Variants in HMCN1 observed in about 807,000 individuals in gnomAD.
The protein encoded by HMCN1 is hemicentin-1.
A neutral mutation model predicts 625.9 loss-of-function variants in HMCN1; 321 were observed. That is an observed-to-expected ratio of 0.51 (90% CI 0.47 to 0.56). The LOEUF is 0.56. HMCN1 is among the 20% of genes least tolerant of loss of function. The pLI is 0.00. For missense variants in HMCN1, 6,588 were observed against 6,887.3 expected (o/e 0.96, Z 1.54); for synonymous variants, 2,425 against 2,417.6 (o/e 1.00, Z -0.09).
At chr1:185,993,071 A>G in intron 22 of HMCN1, 111 bp from the exon 23 acceptor site, 1 of 1,012,950 alleles carries the variant, frequency 9.9e-7, no homozygotes, top group Middle Eastern at 2.9e-4. Flanking sequence ...AGATGGGAAA[A>G]TGGTTTAAAA....
At chr1:185,939,419 C>T (rs544635183) in intron 11 of HMCN1, among the ~76,000 whole-genome samples, 1 of 152,302 alleles carries the variant, frequency 6.6e-6, no homozygotes, top group South Asian at 2.1e-4. Context: ...TGGAAGCAAA[C>T]ACTGCTATGC....
intron 1 of HMCN1, among the ~76,000 whole-genome samples, chr1:185,762,076 G>A (rs1206105711): frequency 6.6e-6 from 1 of 152,104 alleles, no homozygotes; most frequent in Non-Finnish European, 1.5e-5. Context: ...GATACTTTGT[G>A]CAATTTGCAC....
chr1:185,971,729 T>C (rs2101973380), intron 15 of HMCN1, among the ~76,000 whole-genome samples: 1 of 152,330 alleles, frequency 6.6e-6, no homozygotes, highest in African/African-American at 2.4e-5. Flanking sequence ...TCATGTAAGC[T>C]AAATTTTTGC....
At chr1:185,759,495 CA>C (rs1327314442) in intron 1 of HMCN1, among the ~76,000 whole-genome samples, 2 of 152,142 alleles carry the variant, frequency 1.3e-5, no homozygotes, top group Non-Finnish European at 2.9e-5. Context: ...TGATTTTGAG[CA>C]GCTATCCTTC....
chr1:185,856,812 TAGA>T (rs1467117963), intron 2 of HMCN1, among the ~76,000 whole-genome samples: 1 of 152,184 alleles, frequency 6.6e-6, no homozygotes, highest in East Asian at 1.9e-4. Flanking sequence ...AAGACGAGAA[TAGA>T]AGAATTGAAA....
rs1650140925 is a variant in HMCN1, at chr1:186,144,209, C to T, written c.13961C>T (p.Thr4654Ile). 2 of 1,610,484 alleles carry T rather than the reference C, an allele frequency of 1.2e-6. No homozygotes were observed. Among genetic ancestry groups the T allele is most frequent in the African/African-American group, 1.3e-5 (1 of 74,928 alleles). ...TGGAGCGCTTGGCAGCCTTGGGGAA[C>T]ATGCAGCGAAAGTTGTGGGAAAGGT... is the stretch of plus-strand genomic sequence containing the variant. ...GAWSAWQPWG[T>I]CSESCGKGTQ... Residue 4654 changes from threonine (T) to isoleucine (I), a missense_variant, in exon 90 of 107, where the codon ACA (threonine) becomes ATA (isoleucine). By Grantham distance (89) the Thr-to-Ile change is moderately conservative (BLOSUM62 -1). Coordinates refer to ENST00000271588, the MANE Select transcript of HMCN1 (RefSeq NM_031935.3).
intron 1 of HMCN1, among the ~76,000 whole-genome samples, chr1:185,780,292 A>G (rs1656972798): frequency 6.6e-6 from 1 of 152,222 alleles, no homozygotes; most frequent in Non-Finnish European, 1.5e-5. Context: ...GTCATCTGCA[A>G]ACAGGGACAA....
intron 15 of HMCN1, among the ~76,000 whole-genome samples, chr1:185,972,203 C>T (rs1650882364): frequency 6.6e-6 from 1 of 152,142 alleles, no homozygotes; most frequent in Non-Finnish European, 1.5e-5. Context: ...GAAACAGTCT[C>T]AGTAATTTTT....
chr1:186,016,824 G>C lies in HMCN1; in HGVS notation c.5192-139G>C, dbSNP rs970177138. 5 of 687,266 alleles carry C rather than the reference G, an allele frequency of 7.3e-6. No homozygotes were observed. In the East Asian group the frequency reaches 1.3e-4, roughly 18 times the overall value. 42.6% of individuals were successfully genotyped at this position (687,266 alleles called of 1,614,324 possible). A position where few individuals can be genotyped will look rare whatever the true frequency, so the allele number is the denominator to read the frequency against. The stretch of plus-strand genomic sequence containing the variant: ...CTTTATTGTAAAATGTATTTACAAT[G>C]CATTTCAAGTCCCCTTCATGTATCA... On this transcript the variant is annotated intron_variant, in intron 32 of 106. Coordinates refer to ENST00000271588, the MANE Select transcript of HMCN1 (RefSeq NM_031935.3).
intron 1 of HMCN1, among the ~76,000 whole-genome samples, chr1:185,780,780 G>A (rs564586994): frequency 6.6e-6 from 1 of 152,202 alleles, no homozygotes; most frequent in East Asian, 1.9e-4. Context: ...TTGCATCGAT[G>A]TTGATCAAGG....
intron 81 of HMCN1, among the ~76,000 whole-genome samples, chr1:186,123,450 C>T (rs1374218190): frequency 6.6e-6 from 1 of 152,126 alleles, no homozygotes. Flanking sequence ...ATTAATATTG[C>T]CAGGATTTTT....
intron 87 of HMCN1, 152 bp from the exon 88 acceptor site, chr1:186,137,346 T>C (rs775145235): frequency 5.3e-6 from 5 of 943,852 alleles, no homozygotes; most frequent in South Asian, 1.6e-5. Flanking sequence ...CTCTCTCTCT[T>C]GGATTTTAAT....
chr1:185,941,427 T>G (rs1227056626), intron 11 of HMCN1, among the ~76,000 whole-genome samples: 1 of 152,212 alleles, frequency 6.6e-6, no homozygotes, highest in African/African-American at 2.4e-5. Context: ...CTTAAAATGT[T>G]AAGTTAGAAC....
chr1:186,015,581 A>T, intron 31 of HMCN1, 144 bp downstream of exon 31: 1 of 847,766 alleles, frequency 1.2e-6, no homozygotes, highest in Non-Finnish European at 1.9e-6. Flanking sequence ...TTGTTCCATG[A>T]TTTGGAAAAA....
chr1:185,790,617 A>G (rs542887062), intron 1 of HMCN1, among the ~76,000 whole-genome samples: 182 of 152,330 alleles, frequency 1.2e-3, no homozygotes, highest in Non-Finnish European at 1.7e-3. Flanking sequence ...GTGTTTTTCA[A>G]TGGGGCCTTG....
At chr1:185,959,463 A>G (rs1325365446) in intron 11 of HMCN1, among the ~76,000 whole-genome samples, 1 of 152,086 alleles carries the variant, frequency 6.6e-6, no homozygotes, top group Non-Finnish European at 1.5e-5. Context: ...TTTATTTTAT[A>G]TTTATATTTA....
At chr1:186,027,334 C>G (rs1430835321) in intron 36 of HMCN1, among the ~76,000 whole-genome samples, 2 of 152,094 alleles carry the variant, frequency 1.3e-5, no homozygotes, top group East Asian at 3.9e-4. Context: ...ACATCTAAAC[C>G]TCAGATATTT....
At position 186,165,119 on chromosome 1, in the gene HMCN1, A is replaced by C. The variant is rs749090856; in HGVS notation, c.15265A>C (p.Ser5089Arg). ...TTTCCTCTCTGTGGTAGGAGATCGCAGTAATCAGTGCCCCTCCGGGTTTAC... is the reference window on the plus strand; with the variant it reads ...TTTCCTCTCTGTGGTAGGAGATCGCCGTAATCAGTGCCCCTCCGGGTTTAC... ...IHASISKGDR[S>R]NQCPSGFTLD... Residue 5089 changes from serine to arginine, a missense_variant, in exon 98 of 107, where the codon AGT becomes CGT. Physicochemically the swap from Ser to Arg is moderately radical, Grantham distance 110. Transcript: ENST00000271588. 6.2e-7 allele frequency: 1 copy of C among 1,614,104 alleles called. No individual in the cohort carries two copies. The highest frequency in any genetic ancestry group is 1.1e-5 in the South Asian group (1 of 91,044).
intron 1 of HMCN1, among the ~76,000 whole-genome samples, chr1:185,794,864 TA>T (rs962047948): frequency 2.0e-5 from 3 of 151,926 alleles, no homozygotes; most frequent in African/African-American, 7.3e-5. Flanking sequence ...ATGACTTTTG[TA>T]AAAAAAATGA....
Sources: allele counts gnomAD v4.1 joint callset (sites outside exome capture counted in the v4.1 genomes callset), GRCh38; gene constraint gnomAD v4.1.1; transcripts MANE v1.5; gene names NCBI Gene and HGNC (gene_info 2026-07-23, HGNC 2026-07-21).